Variants in SOBP observed in about 807,000 individuals in gnomAD.
The protein encoded by SOBP is sine oculis binding protein homolog.
SOBP carries 4 observed loss-of-function variants against 53.6 expected under a neutral mutation model. That is an observed-to-expected ratio of 0.07 (90% CI 0.04 to 0.17). The LOEUF is 0.17. SOBP is among the 10% of genes least tolerant of loss of function. The pLI is 1.00. For missense variants in SOBP, 1,088 were observed against 1,204.7 expected, an observed-to-expected ratio of 0.90 and a Z score of 1.43; for synonymous variants, 584 against 522.6, an observed-to-expected ratio of 1.12 and a Z score of -1.60.
chr6:107,537,316 T>C (rs1222411800), intron 4 of SOBP, among the ~76,000 whole-genome samples: 1 of 152,192 alleles, frequency 6.6e-6, no homozygotes, highest in East Asian at 1.9e-4. Flanking sequence ...ATGGGAAATA[T>C]CTTATTGTCC....
At chr6:107,619,899 G>A (rs540218342) in intron 5 of SOBP, among the ~76,000 whole-genome samples, 1 of 152,258 alleles carries the variant, frequency 6.6e-6, no homozygotes, top group East Asian at 1.9e-4. Context: ...GGACCTTGAA[G>A]TCACTGCCCC....
At chr6:107,493,886 C>A (rs1782636376) in intron 1 of SOBP, among the ~76,000 whole-genome samples, 1 of 152,156 alleles carries the variant, frequency 6.6e-6, no homozygotes, top group South Asian at 2.1e-4. Flanking sequence ...TTCACTAGAT[C>A]AGATATTGAG....
intron 5 of SOBP, among the ~76,000 whole-genome samples, chr6:107,588,003 G>A (rs929351473): frequency 2.0e-5 from 3 of 152,190 alleles, no homozygotes; most frequent in Admixed American, 6.5e-5. Context: ...ATCTAGCTAT[G>A]TTGTCCCTAA....
At chr6:107,632,746 A>G (rs1770771736) in intron 5 of SOBP, among the ~76,000 whole-genome samples, 1 of 152,206 alleles carries the variant, frequency 6.6e-6, no homozygotes, top group Admixed American at 6.5e-5. Context: ...TTCTTTTGCC[A>G]AGAGTAGATT....
chr6:107,538,106 G>A (rs1784055414), intron 4 of SOBP, among the ~76,000 whole-genome samples: 1 of 152,118 alleles, frequency 6.6e-6, no homozygotes, highest in South Asian at 2.1e-4. Context: ...TCTCTTCTTA[G>A]AAGACATTTC....
At chr6:107,531,271 A>T (rs1204157083) in intron 3 of SOBP, among the ~76,000 whole-genome samples, 1 of 152,246 alleles carries the variant, frequency 6.6e-6, no homozygotes, top group African/African-American at 2.4e-5. Flanking sequence ...CTGTGAGGCC[A>T]GGTGATTTCC....
intron 3 of SOBP, among the ~76,000 whole-genome samples, chr6:107,530,230 A>C (rs1046193019): frequency 6.6e-5 from 10 of 152,238 alleles, no homozygotes; most frequent in African/African-American, 9.6e-5. Flanking sequence ...AAAAAATTTA[A>C]AGCAGATCAA....
intron 6 of SOBP, among the ~76,000 whole-genome samples, chr6:107,639,368 G>A (rs890476202): frequency 6.6e-6 from 1 of 152,036 alleles, no homozygotes; most frequent in Non-Finnish European, 1.5e-5. Context: ...TTCTGTTCCT[G>A]GTTACCTGCC....
chr6:107,574,451 T>C (rs1785166245), intron 4 of SOBP, among the ~76,000 whole-genome samples: 1 of 152,136 alleles, frequency 6.6e-6, no homozygotes, highest in Admixed American at 6.5e-5. Flanking sequence ...GAGAAAAGAT[T>C]TGAGCTGACT....
chr6:107,608,991 A>G (rs1786491858), intron 5 of SOBP, among the ~76,000 whole-genome samples: 1 of 152,208 alleles, frequency 6.6e-6, no homozygotes, highest in Admixed American at 6.5e-5. Context: ...ACTACCAAAG[A>G]AAAATCTAGG....
At chr6:107,542,468 G>A (rs918321221) in intron 4 of SOBP, among the ~76,000 whole-genome samples, 16 of 152,162 alleles carry the variant, frequency 1.1e-4, no homozygotes, top group Non-Finnish European at 2.2e-4. Context: ...TTCATTCTAA[G>A]TGTGATGGCA....
At chr6:107,654,214 C>T (rs1771921201) in intron 6 of SOBP, among the ~76,000 whole-genome samples, 1 of 152,150 alleles carries the variant, frequency 6.6e-6, no homozygotes, top group African/African-American at 2.4e-5. Flanking sequence ...GTGGTGCCAG[C>T]GTGTGTGTAT....
At chr6:107,546,137 G>A (rs1329536102) in intron 4 of SOBP, among the ~76,000 whole-genome samples, 4 of 152,244 alleles carry the variant, frequency 2.6e-5, no homozygotes, top group East Asian at 1.9e-4. Flanking sequence ...ATGACATTTC[G>A]GAAAGCAACC....
At chr6:107,622,816 G>A (rs944563542) in intron 5 of SOBP, among the ~76,000 whole-genome samples, 2 of 152,220 alleles carry the variant, frequency 1.3e-5, no homozygotes, top group Non-Finnish European at 2.9e-5. Flanking sequence ...GGGATATTTA[G>A]TATAAAATAT....
chr6:107,493,895 A>T (rs772220092), intron 1 of SOBP, among the ~76,000 whole-genome samples: 1 of 152,228 alleles, frequency 6.6e-6, no homozygotes, highest in Non-Finnish European at 1.5e-5. Flanking sequence ...TCAGATATTG[A>T]GTTACATTTT....
intron 4 of SOBP, among the ~76,000 whole-genome samples, chr6:107,575,726 A>C (rs1305376468): frequency 6.6e-6 from 1 of 152,174 alleles, no homozygotes; most frequent in Non-Finnish European, 1.5e-5. Flanking sequence ...AAATGTAATA[A>C]TAATAATAAT....
At chr6:107,648,232 C>T (rs1179126536) in intron 6 of SOBP, among the ~76,000 whole-genome samples, 3 of 152,210 alleles carry the variant, frequency 2.0e-5, no homozygotes, top group African/African-American at 7.2e-5. Context: ...AATCTTAACA[C>T]AGTAAACATC....
At chr6:107,585,744 A>AG (rs1785546171) in intron 4 of SOBP, among the ~76,000 whole-genome samples, 2 of 152,220 alleles carry the variant, frequency 1.3e-5, no homozygotes, top group African/African-American at 4.8e-5. Flanking sequence ...AGTTCCATCT[A>AG]GTTCCCTCCC....
intron 5 of SOBP, among the ~76,000 whole-genome samples, chr6:107,590,399 A>G (rs1412376783): frequency 6.6e-6 from 1 of 152,244 alleles, no homozygotes; most frequent in Non-Finnish European, 1.5e-5. Context: ...AGGTCAAAAT[A>G]TAACCAAAGA....
Sources: allele counts gnomAD v4.1 joint callset (sites outside exome capture counted in the v4.1 genomes callset), GRCh38; gene constraint gnomAD v4.1.1; transcripts MANE v1.5; gene names NCBI Gene and HGNC (gene_info 2026-07-23, HGNC 2026-07-21).